The following FAM227B variants were observed in gnomAD, a reference collection of about 807,000 sequenced individuals.
FAM227B encodes the protein family with sequence similarity 227 member B.
A neutral mutation model predicts 73.8 loss-of-function variants in FAM227B; 88 were observed. The observed-to-expected ratio is 1.19, with a 90% CI of 1.00 to 1.42. The LOEUF is 1.42. FAM227B is among the 40% of genes most tolerant of loss of function. FAM227B has a pLI of 0.00. For synonymous variants in FAM227B, 210 were observed against 190.5 expected (o/e 1.10, Z -0.84); for missense variants, 632 against 590.9 (o/e 1.07, Z -0.72).
At chr15:49,407,701 A>C (rs2048615051) in intron 11 of FAM227B, among the ~76,000 whole-genome samples, 2 of 148,962 alleles carry the variant, frequency 1.3e-5, no homozygotes, top group South Asian at 4.2e-4. Flanking sequence ...ATATGTATTT[A>C]TATATGAGGT....
chr15:49,505,161 C>T (rs992047480), intron 11 of FAM227B, among the ~76,000 whole-genome samples: 16 of 152,062 alleles, frequency 1.1e-4, no homozygotes, highest in Non-Finnish European at 1.9e-4. Context: ...AAACAGCATG[C>T]ACTCTATATA....
chr15:49,601,038 T>C (rs1240408958), intron 3 of FAM227B, among the ~76,000 whole-genome samples: 2 of 134,774 alleles, frequency 1.5e-5, no homozygotes, highest in Admixed American at 7.3e-5. Context: ...CAAGACTCTG[T>C]CTCAAAAAAA....
Position 49,328,646 on chromosome 15 carries a change from ACATTCT to A in FAM227B, c.1443_1448del (p.Arg481_Cys483delinsSer). On this transcript the variant is annotated inframe_deletion, in exon 16 of 16. Coordinates refer to ENST00000299338, the MANE Select transcript of FAM227B (RefSeq NM_152647.3). The stretch of plus-strand genomic sequence containing the variant: ...ATGATGATGACGATAGTGATGCCAC[ACATTCT>A]CTCTCAATTTCAGCTTCGGAACGCT... The A allele has an allele frequency of 6.4e-7, 1 of 1,574,092 alleles. No individual in the cohort carries two copies. The highest frequency in any genetic ancestry group is 8.6e-7 in the Non-Finnish European group (1 of 1,156,362).
rs1425886717 is a variant in FAM227B at position 49,388,182 on chromosome 15, T to A, written c.1013-16783A>T. 4.6e-5 allele frequency among the ~76,000 whole-genome samples: 7 copies of A among 151,840 alleles called. No homozygotes were observed. The East Asian group carries it at 1.3e-3, about 29-fold the overall frequency. On this transcript the variant is annotated intron_variant, in intron 11 of 15. Coordinates refer to ENST00000299338, the MANE Select transcript of FAM227B (RefSeq NM_152647.3). Reference sequence around the variant, plus strand: ...AGAGCCCAAATAGCCATAGAAATCCTACGCAAAAAGAACAAATTTGGAGGC... The same window carrying A: ...AGAGCCCAAATAGCCATAGAAATCCAACGCAAAAAGAACAAATTTGGAGGC...
rs376376450 is a variant in FAM227B at position 49,606,661 on chromosome 15, C to A, written c.105+4554G>T. Among the ~76,000 whole-genome samples, 11 of 152,312 alleles carry A rather than the reference C, an allele frequency of 7.2e-5. No homozygotes were observed. In the East Asian group the frequency reaches 2.1e-3, roughly 29 times the overall value. Reference sequence around the variant, plus strand: ...ATCATCATTCCCTTGGATTCTGATACCTGTGGTGTCACATGGACATCCTCC... The same window carrying A: ...ATCATCATTCCCTTGGATTCTGATAACTGTGGTGTCACATGGACATCCTCC... On this transcript the variant is annotated intron_variant, in intron 3 of 15. Coordinates refer to ENST00000299338, the MANE Select transcript of FAM227B (RefSeq NM_152647.3).
intron 11 of FAM227B, among the ~76,000 whole-genome samples, chr15:49,458,763 CCTGT>C (rs1023639882): frequency 3.3e-5 from 5 of 152,036 alleles, no homozygotes; most frequent in Non-Finnish European, 5.9e-5. Flanking sequence ...TTCCTAAAAT[CCTGT>C]CTTTTAGAAA....
Position 49,366,588 on chromosome 15 carries a change from A to G in FAM227B, c.1271+860T>C. On this transcript the variant is annotated intron_variant, in intron 13 of 15. Transcript: ENST00000299338. ...TAGTCCTTGGATGTGCCATTTCCAGACGCATGCAAGATTGCTTCCTGAGCG... is the reference window on the plus strand; with the variant it reads ...TAGTCCTTGGATGTGCCATTTCCAGGCGCATGCAAGATTGCTTCCTGAGCG... 1.9e-6 allele frequency: 3 copies of G among 1,599,980 alleles called. No homozygotes were observed. The Admixed American group carries it at 5.0e-5, about 27-fold the overall frequency.
At chr15:49,450,191 G>C (rs1416335830) in intron 11 of FAM227B, among the ~76,000 whole-genome samples, 2 of 152,110 alleles carry the variant, frequency 1.3e-5, no homozygotes, top group Non-Finnish European at 2.9e-5. Context: ...AGTGAATTTA[G>C]TTTCTATATC....
At position 49,551,174 on chromosome 15, in the gene FAM227B, C is replaced by T. The variant is rs545345197; in HGVS notation, c.748-9368G>A. ...TCACGCGCCTGCAATTGCAGGCACT[C>T]GGCAGGCTGAGGCAGGAGAATCAGG... On this transcript the variant is annotated intron_variant, in intron 9 of 15. Coordinates refer to ENST00000299338, the MANE Select transcript of FAM227B (RefSeq NM_152647.3). Among the ~76,000 whole-genome samples the T allele has an allele frequency of 4.6e-5, 7 of 152,246 alleles. 1 individual carries two copies. Among genetic ancestry groups the T allele is most frequent in the East Asian group, 3.9e-4 (2 of 5,170 alleles).
chr15:49,570,811 CTATA>C (rs900075287), intron 8 of FAM227B, among the ~76,000 whole-genome samples: 31 of 146,330 alleles, frequency 2.1e-4, no homozygotes, highest in African/African-American at 7.7e-4. Flanking sequence ...TTTTTAAAGG[CTATA>C]TATTTTTATA....
chr15:49,580,644 G>A (rs568901876), intron 5 of FAM227B, among the ~76,000 whole-genome samples: 2 of 152,278 alleles, frequency 1.3e-5, no homozygotes, highest in African/African-American at 4.8e-5. Flanking sequence ...TGAAATGGCT[G>A]AAATGACAGG....
chr15:49,533,833 A>G (rs1437878142), intron 10 of FAM227B, among the ~76,000 whole-genome samples: 3 of 151,688 alleles, frequency 2.0e-5, no homozygotes, highest in Non-Finnish European at 3.0e-5. Flanking sequence ...GCCCCTCTCT[A>G]TCTTTTGATT....
rs796932123 is a variant in FAM227B, at chr15:49,359,425, G to A, written c.1271+8023C>T. Among the ~76,000 whole-genome samples, 892 of 119,186 alleles carry A rather than the reference G, an allele frequency of 7.5e-3. 250 individuals carry two copies. Among genetic ancestry groups the A allele is most frequent in the African/African-American group, 0.026 (806 of 30,916 alleles). 78.2% of individuals were successfully genotyped at this position (119,186 alleles called of 152,430 possible). On this transcript the variant is annotated intron_variant, in intron 13 of 15. Transcript: ENST00000299338. Reference sequence around the variant, plus strand: ...CAAACAACCCCATCAAATAGTGGGCGAAGGACATGAACAGACACTTCTCAA... The same window carrying A: ...CAAACAACCCCATCAAATAGTGGGCAAAGGACATGAACAGACACTTCTCAA...
intron 9 of FAM227B, among the ~76,000 whole-genome samples, chr15:49,558,425 CCACAG>C (rs2073943977): frequency 6.6e-6 from 1 of 152,150 alleles, no homozygotes; most frequent in African/African-American, 2.4e-5. Flanking sequence ...GCCATGTGCC[CCACAG>C]CTGCCAGTCT....
intron 11 of FAM227B, among the ~76,000 whole-genome samples, chr15:49,477,426 A>T (rs1444617942): frequency 5.3e-5 from 8 of 152,196 alleles, no homozygotes; most frequent in South Asian, 4.1e-4. Flanking sequence ...GGCTGGAATC[A>T]TACAGTATGT....
chr15:49,332,854 A>G (rs1459203771), intron 14 of FAM227B, among the ~76,000 whole-genome samples: 1 of 152,144 alleles, frequency 6.6e-6, no homozygotes, highest in Non-Finnish European at 1.5e-5. Flanking sequence ...GAGTGGGATT[A>G]CTTAGTCGGA....
Position 49,491,435 on chromosome 15 carries a change from C to T in FAM227B, c.1012+16776G>A, listed in dbSNP as rs1054776992. Among the ~76,000 whole-genome samples the T allele has an allele frequency of 3.9e-5, 6 of 151,998 alleles. No individual in the cohort carries two copies. In the South Asian group the frequency reaches 1.2e-3, roughly 32 times the overall value. ...CTAACTCGACTGTCCAATCTTCTCA[C>T]TGTTCAATATACACCTAGTAGTTTC... On this transcript the variant is annotated intron_variant, in intron 11 of 15. Coordinates refer to ENST00000299338, the MANE Select transcript of FAM227B (RefSeq NM_152647.3).
intron 12 of FAM227B, among the ~76,000 whole-genome samples, chr15:49,368,613 C>G (rs940015345): frequency 2.6e-5 from 4 of 152,124 alleles, no homozygotes; most frequent in African/African-American, 9.7e-5. Flanking sequence ...ATTTTAAGCT[C>G]CCATGATAAT....
intron 11 of FAM227B, among the ~76,000 whole-genome samples, chr15:49,406,042 C>G (rs1013595491): frequency 6.6e-6 from 1 of 152,180 alleles, no homozygotes; most frequent in South Asian, 2.1e-4. Flanking sequence ...TCCTGGACTG[C>G]GAGCTCTAAC....
Sources: gnomAD v4.1 joint callset for allele counts (sites outside exome capture counted in the v4.1 genomes callset) on GRCh38, gnomAD v4.1.1 for gene constraint, MANE v1.5 for transcripts, NCBI Gene and HGNC (gene_info 2026-07-23, HGNC 2026-07-21) for gene names.